Variants in ARHGAP10 observed in about 807,000 individuals in gnomAD.
The protein encoded by ARHGAP10 is Rho GTPase activating protein 10.
Under a neutral mutation model 108.6 loss-of-function variants are expected in ARHGAP10, and 87 were observed. That is an observed-to-expected ratio of 0.80 (90% CI 0.67 to 0.96). The LOEUF is 0.96. ARHGAP10 is among the 40% of genes least tolerant of loss of function. The pLI is 0.00. For synonymous variants in ARHGAP10, 347 were observed against 341.1 expected, an observed-to-expected ratio of 1.02 and a Z score of -0.19; for missense variants, 939 against 954.5, an observed-to-expected ratio of 0.98 and a Z score of 0.21.
chr4:147,857,749 G>A (rs1050971881), intron 5 of ARHGAP10, 95 bp downstream of exon 5: 1 of 1,090,980 alleles, frequency 9.2e-7, no homozygotes, highest in South Asian at 2.5e-5. Context: ...TTTTCATCTG[G>A]CATTATATAG....
chr4:147,900,163 G>A (rs1006298949), intron 10 of ARHGAP10, among the ~76,000 whole-genome samples: 4 of 152,174 alleles, frequency 2.6e-5, no homozygotes, highest in African/African-American at 9.7e-5. Context: ...AGACTTAATA[G>A]ATACAGAGTG....
At chr4:148,050,318 C>T (rs1406797569) in intron 20 of ARHGAP10, among the ~76,000 whole-genome samples, 2 of 147,094 alleles carry the variant, frequency 1.4e-5, no homozygotes, top group African/African-American at 2.5e-5. Flanking sequence ...CTCTGTGTTA[C>T]TGAATGTCTC....
At chr4:147,977,345 G>A (rs1175784889) in intron 18 of ARHGAP10, among the ~76,000 whole-genome samples, 3 of 152,154 alleles carry the variant, frequency 2.0e-5, no homozygotes, top group African/African-American at 7.2e-5. Flanking sequence ...CTTTTCTTGA[G>A]GGGAGAGGGT....
At chr4:147,852,822 G>A (rs1733928131) in intron 4 of ARHGAP10, among the ~76,000 whole-genome samples, 2 of 147,214 alleles carry the variant, frequency 1.4e-5, no homozygotes, top group African/African-American at 5.0e-5. Flanking sequence ...AAGTTCAAGT[G>A]ATTCTCGTGC....
At chr4:147,896,167 A>G (rs978057601) in intron 10 of ARHGAP10, among the ~76,000 whole-genome samples, 2 of 152,158 alleles carry the variant, frequency 1.3e-5, no homozygotes, top group South Asian at 4.1e-4. Flanking sequence ...TGTGTGCGTT[A>G]TGATCTTCAT....
intron 18 of ARHGAP10, among the ~76,000 whole-genome samples, chr4:147,972,636 G>A (rs964340255): frequency 1.3e-5 from 2 of 152,196 alleles, no homozygotes; most frequent in Non-Finnish European, 2.9e-5. Flanking sequence ...CTAGTGTCAG[G>A]GTTGTCTAGG....
chr4:147,981,886 T>C (rs1008631573), intron 18 of ARHGAP10, among the ~76,000 whole-genome samples: 1 of 152,242 alleles, frequency 6.6e-6, no homozygotes, highest in African/African-American at 2.4e-5. Flanking sequence ...TAGGGACCTC[T>C]GCTCTTTTTC....
intron 13 of ARHGAP10, among the ~76,000 whole-genome samples, chr4:147,917,963 TAGG>T (rs1287565568): frequency 1.3e-5 from 2 of 152,168 alleles, no homozygotes; most frequent in African/African-American, 4.8e-5. Flanking sequence ...CAGGCAGCCT[TAGG>T]AGAGCCTGTA....
intron 10 of ARHGAP10, among the ~76,000 whole-genome samples, chr4:147,890,291 A>G (rs1194902877): frequency 3.3e-5 from 2 of 59,710 alleles, no homozygotes; most frequent in Non-Finnish European, 9.9e-5. Flanking sequence ...AGCCATTACT[A>G]CTTTGATTAT....
chr4:148,011,678 C>T (rs898604837), intron 18 of ARHGAP10, among the ~76,000 whole-genome samples: 4 of 152,198 alleles, frequency 2.6e-5, no homozygotes, highest in East Asian at 1.9e-4. Context: ...CACCTCTTGA[C>T]GGAAAGAGTG....
intron 1 of ARHGAP10, among the ~76,000 whole-genome samples, chr4:147,735,236 C>T (rs1303393504): frequency 6.6e-6 from 1 of 152,194 alleles, no homozygotes; most frequent in African/African-American, 2.4e-5. Context: ...GTTGAAATTA[C>T]TTCAATCTAA....
chr4:147,851,401 G>C (rs11099670), intron 4 of ARHGAP10, among the ~76,000 whole-genome samples: 113,093 of 152,014 alleles, frequency 0.74, 45,650 homozygotes, highest in Non-Finnish European at 0.89. Flanking sequence ...TTTTTGTAGA[G>C]ACGGTCTCTC....
chr4:147,918,388 G>T (rs1578687837), intron 13 of ARHGAP10, among the ~76,000 whole-genome samples: 1 of 152,074 alleles, frequency 6.6e-6, no homozygotes, highest in African/African-American at 2.4e-5. Context: ...ACCTGCCTCG[G>T]CCTCCCAAAG....
Position 147,955,340 on chromosome 4 carries a change from C to T in ARHGAP10, c.1416C>T (p.Thr472=), listed in dbSNP as rs1738748739. The T allele has an allele frequency of 1.9e-6, 3 of 1,611,498 alleles. No individual in the cohort carries two copies. The highest frequency in any genetic ancestry group is 2.5e-6 in the Non-Finnish European group (3 of 1,178,200). The change falls in exon 16 of 23, where the codon ACC becomes ACT. Residue 472 remains threonine (T), a synonymous_variant. Coordinates refer to ENST00000336498, the MANE Select transcript of ARHGAP10 (RefSeq NM_024605.4). The part of the protein sequence containing the change: ...YLRSLPEPLM[T]YELHGDFIVP... ...GGAGTCTTCCAGAGCCTCTCATGAC[C>T]TATGAGTTACATGGAGATTTCATTG...
chr4:148,028,443 C>T (rs1052965812), intron 19 of ARHGAP10, among the ~76,000 whole-genome samples: 1 of 152,106 alleles, frequency 6.6e-6, no homozygotes, highest in Non-Finnish European at 1.5e-5. Context: ...ATTTTATTAG[C>T]TACAAAATCA....
At chr4:148,070,615 AAG>A (rs1730129159) in intron 22 of ARHGAP10, among the ~76,000 whole-genome samples, 1 of 152,216 alleles carries the variant, frequency 6.6e-6, no homozygotes, top group African/African-American at 2.4e-5. Context: ...TGGGGAAAAA[AAG>A]AGTAGAATAC....
chr4:147,998,304 A>G (rs1740559664), intron 18 of ARHGAP10, among the ~76,000 whole-genome samples: 1 of 152,252 alleles, frequency 6.6e-6, no homozygotes. Flanking sequence ...ATATAATTTT[A>G]AAAATCTGAA....
chr4:147,841,032 T>A (rs1296920665), intron 3 of ARHGAP10, among the ~76,000 whole-genome samples: 5 of 152,258 alleles, frequency 3.3e-5, no homozygotes, highest in Non-Finnish European at 7.3e-5. Flanking sequence ...TGGAACACAC[T>A]TGGACCCATC....
chr4:147,734,195 T>G (rs1203460312), intron 1 of ARHGAP10, among the ~76,000 whole-genome samples: 1 of 151,914 alleles, frequency 6.6e-6, no homozygotes, highest in Non-Finnish European at 1.5e-5. Context: ...TAGAGAGGTG[T>G]GGAGAGAGGC....
Sources: allele counts gnomAD v4.1 joint callset (sites outside exome capture counted in the v4.1 genomes callset), GRCh38; gene constraint gnomAD v4.1.1; transcripts MANE v1.5; gene names NCBI Gene and HGNC (gene_info 2026-07-23, HGNC 2026-07-21).